STIM1: variants seen among roughly 807,000 people sequenced by gnomAD.
STIM1 encodes the protein stromal interaction molecule 1.
A neutral mutation model predicts 74.7 loss-of-function variants in STIM1; 25 were observed. That is an observed-to-expected ratio of 0.33 (90% CI 0.24 to 0.47). The LOEUF (loss-of-function observed/expected upper bound fraction) is 0.47, where lower values mean the gene tolerates loss of function less well. Among genes scored for constraint, STIM1 ranks in the 20% least tolerant of loss-of-function variants. The probability of loss-of-function intolerance (pLI) is 1.00; values close to 1 mark genes in which losing one functional copy is unlikely to be tolerated. For missense variants in STIM1, 728 were observed against 920.8 expected (o/e 0.79, Z 2.71); for synonymous variants, 328 against 348.8 (o/e 0.94, Z 0.66).
At chr11:4,080,139 G>A (rs948751398) in intron 7 of STIM1, among the ~76,000 whole-genome samples, 2 of 152,032 alleles carry the variant, frequency 1.3e-5, no homozygotes, top group African/African-American at 2.4e-5. Flanking sequence ...AAAGCTACTC[G>A]GGAGGCTGAG....
chr11:3,994,007 G>C (rs956609597), intron 2 of STIM1, among the ~76,000 whole-genome samples: 2 of 151,442 alleles, frequency 1.3e-5, no homozygotes, highest in Admixed American at 1.3e-4. Context: ...AGTACTATCT[G>C]GGGGGGTCAC....
At chr11:3,861,273 G>A (rs188181760) in intron 1 of STIM1, among the ~76,000 whole-genome samples, 253 of 143,728 alleles carry the variant, frequency 1.8e-3, no homozygotes, top group Non-Finnish European at 3.2e-3. Flanking sequence ...TTGCTCTGTT[G>A]CCCAGGCTGG....
chr11:4,057,792 C>T (rs906885346), intron 4 of STIM1, among the ~76,000 whole-genome samples: 1 of 151,800 alleles, frequency 6.6e-6, no homozygotes, highest in Non-Finnish European at 1.5e-5. Flanking sequence ...ATGGCGTGAA[C>T]CCGGGAGGTG....
chr11:3,942,445 G>A (rs4910588), intron 1 of STIM1, among the ~76,000 whole-genome samples: 116,210 of 151,964 alleles, frequency 0.76, 45,590 homozygotes, highest in South Asian at 0.9. Context: ...AGGGTGGGAA[G>A]GAACCATAGA....
intron 1 of STIM1, among the ~76,000 whole-genome samples, chr11:3,965,784 T>C (rs1268281797): frequency 6.6e-6 from 1 of 152,226 alleles, no homozygotes; most frequent in Non-Finnish European, 1.5e-5. Context: ...GGTGGGCGGA[T>C]CACTTGAGGT....
intron 1 of STIM1, chr11:3,892,602 C>G: frequency 6.2e-7 from 1 of 1,603,128 alleles, no homozygotes; most frequent in Non-Finnish European, 8.5e-7. Context: ...GACAAGATGC[C>G]AGGACCTGTA....
intron 7 of STIM1, among the ~76,000 whole-genome samples, chr11:4,078,432 G>T (rs1465168589): frequency 6.6e-6 from 1 of 152,154 alleles, no homozygotes; most frequent in Non-Finnish European, 1.5e-5. Context: ...ATTTTCGGCT[G>T]TCACCTAAAA....
chr11:3,977,927 T>C (rs2093464053), intron 2 of STIM1, among the ~76,000 whole-genome samples: 1 of 152,034 alleles, frequency 6.6e-6, no homozygotes, highest in Admixed American at 6.6e-5. Flanking sequence ...CCATATCAGC[T>C]CTATCACCAT....
chr11:4,060,696 A>G (rs144059592), intron 5 of STIM1, among the ~76,000 whole-genome samples: 2 of 152,340 alleles, frequency 1.3e-5, no homozygotes, highest in Admixed American at 6.5e-5. Context: ...AGCACATTCT[A>G]TGTACCAGCA....
At chr11:3,966,724 C>A (rs1462001721) in intron 1 of STIM1, among the ~76,000 whole-genome samples, 1 of 152,122 alleles carries the variant, frequency 6.6e-6, no homozygotes, top group Non-Finnish European at 1.5e-5. Context: ...AATGACCTCC[C>A]TAGATCATAT....
chr11:4,060,725 CTCTCCAGT>C, intron 5 of STIM1, among the ~76,000 whole-genome samples: 1 of 152,338 alleles, frequency 6.6e-6, no homozygotes, highest in East Asian at 1.9e-4. Context: ...AGGGTCCCTG[CTCTCCAGT>C]ACTTCTATCT....
intron 1 of STIM1, among the ~76,000 whole-genome samples, chr11:3,863,181 A>C (rs2090697145): frequency 6.6e-6 from 1 of 151,610 alleles, no homozygotes; most frequent in Non-Finnish European, 1.5e-5. Flanking sequence ...GGCGTGAGCC[A>C]CCACGCCTGG....
chr11:3,876,948 T>G (rs2091323714), intron 1 of STIM1, among the ~76,000 whole-genome samples: 1 of 152,118 alleles, frequency 6.6e-6, no homozygotes, highest in Non-Finnish European at 1.5e-5. Flanking sequence ...ACAGACCAGG[T>G]TCATATTTGG....
At chr11:3,974,587 A>G (rs1051735939) in intron 2 of STIM1, among the ~76,000 whole-genome samples, 2 of 151,902 alleles carry the variant, frequency 1.3e-5, no homozygotes, top group African/African-American at 4.8e-5. Flanking sequence ...CTTAAAAGAA[A>G]AGAAAAATAT....
intron 2 of STIM1, among the ~76,000 whole-genome samples, chr11:4,009,596 G>A (rs946145362): frequency 9.3e-5 from 14 of 151,318 alleles, no homozygotes; most frequent in Non-Finnish European, 4.4e-5. Flanking sequence ...CAGACAGAGT[G>A]AGACTCCATC....
In STIM1 at chr11:3,856,378, G is replaced by A. The variant is rs551284324; in HGVS notation, c.108G>A (p.Ser36=). 1.3e-5 allele frequency: 21 copies of A among 1,614,032 alleles called. No individual in the cohort carries two copies. The highest frequency in any genetic ancestry group is 1.7e-5 in the Non-Finnish European group (20 of 1,180,042). Residue 36 remains serine (S), a synonymous_variant, in exon 1 of 13, where the codon TCG becomes TCA. Transcript: ENST00000526596. ...SHSEKATGTS[S]GANSEESTAA... ...GTGAGAAGGCGACAGGAACCAGCTC[G>A]GGGGCCAACTCTGAGGAGTCCACTG...
intron 11 of STIM1, among the ~76,000 whole-genome samples, chr11:4,085,104 CCTTTT>C (rs989795823): frequency 2.9e-4 from 44 of 152,078 alleles, no homozygotes; most frequent in African/African-American, 1.1e-3. Context: ...CATGTTTCTC[CCTTTT>C]CTTCCCAGTT....
At chr11:4,083,923 GT>G (rs2094478685) in intron 10 of STIM1, among the ~76,000 whole-genome samples, 1 of 152,076 alleles carries the variant, frequency 6.6e-6, no homozygotes, top group South Asian at 2.1e-4. Context: ...TTCTTTTTGT[GT>G]TTTTGTGAGA....
At chr11:3,949,801 T>C (rs2135658931) in intron 1 of STIM1, among the ~76,000 whole-genome samples, 1 of 152,360 alleles carries the variant, frequency 6.6e-6, no homozygotes, top group Admixed American at 6.5e-5. Flanking sequence ...TAGTATATCA[T>C]GGCCAGGATA....
Sources: allele counts gnomAD v4.1 joint callset (sites outside exome capture counted in the v4.1 genomes callset), GRCh38; gene constraint gnomAD v4.1.1; transcripts MANE v1.5; gene names NCBI Gene and HGNC (gene_info 2026-07-23, HGNC 2026-07-21).